The following ANO2 variants were observed in gnomAD, a reference collection of about 807,000 sequenced individuals.
ANO2 encodes the protein anoctamin-2.
Under a neutral mutation model 124.2 loss-of-function variants are expected in ANO2, and 101 were observed. The observed-to-expected ratio is 0.81, with a 90% CI of 0.69 to 0.96. The LOEUF is 0.96. ANO2 is among the 40% of genes least tolerant of loss of function. The pLI, the probability that ANO2 is intolerant of heterozygous loss-of-function variation, is 0.00. For missense variants in ANO2, 1,293 were observed against 1,274.5 expected, an observed-to-expected ratio of 1.01 and a Z score of -0.22; for synonymous variants, 486 against 482.5, an observed-to-expected ratio of 1.01 and a Z score of -0.09.
chr12:5,846,659 C>T (rs1954693102), intron 4 of ANO2, among the ~76,000 whole-genome samples: 1 of 152,224 alleles, frequency 6.6e-6, no homozygotes, highest in Non-Finnish European at 1.5e-5. Flanking sequence ...TATTTCTTGA[C>T]TCTTCCAGCT....
chr12:5,688,306 C>T (rs1389958906), intron 14 of ANO2, among the ~76,000 whole-genome samples: 4 of 152,268 alleles, frequency 2.6e-5, no homozygotes, highest in African/African-American at 4.8e-5. Flanking sequence ...AACTGGAGAA[C>T]GGGAGGCAAA....
At chr12:5,607,265 C>T (rs541876204) in intron 19 of ANO2, among the ~76,000 whole-genome samples, 1 of 152,228 alleles carries the variant, frequency 6.6e-6, no homozygotes, top group East Asian at 1.9e-4. Context: ...AAAGCATCAC[C>T]GTTAAACACA....
intron 14 of ANO2, among the ~76,000 whole-genome samples, chr12:5,656,412 G>A (rs1437645216): frequency 2.6e-5 from 4 of 152,200 alleles, no homozygotes; most frequent in East Asian, 1.9e-4. Context: ...CCCTTTGAGC[G>A]GGCAACACCT....
intron 7 of ANO2, among the ~76,000 whole-genome samples, chr12:5,819,626 T>C (rs994964968): frequency 6.6e-6 from 1 of 151,994 alleles, no homozygotes; most frequent in African/African-American, 2.4e-5. Context: ...GATGGTGGAG[T>C]GGATTAGTCA....
At chr12:5,842,728 C>G (rs1002913274) in intron 4 of ANO2, among the ~76,000 whole-genome samples, 3 of 152,292 alleles carry the variant, frequency 2.0e-5, no homozygotes, top group African/African-American at 7.2e-5. Context: ...GTCACTGTTT[C>G]TGGGCCCTGA....
chr12:5,847,307 T>C (rs1034821881), intron 4 of ANO2, among the ~76,000 whole-genome samples: 18 of 152,214 alleles, frequency 1.2e-4, no homozygotes, highest in Non-Finnish European at 2.4e-4. Context: ...AGCTTCTTCA[T>C]TGGCTTTCCT....
intron 3 of ANO2, among the ~76,000 whole-genome samples, chr12:5,872,506 A>G (rs1022077832): frequency 6.6e-6 from 1 of 152,216 alleles, no homozygotes; most frequent in Admixed American, 6.5e-5. Flanking sequence ...AACAGCAGAT[A>G]TCAGGCCCAC....
chr12:5,889,200 G>A (rs541681319), intron 3 of ANO2, among the ~76,000 whole-genome samples: 71 of 151,964 alleles, frequency 4.7e-4, no homozygotes, highest in Non-Finnish European at 7.2e-4. Context: ...CAAGCGCCAC[G>A]CGCAGCCCTG....
intron 10 of ANO2, among the ~76,000 whole-genome samples, chr12:5,776,039 GA>G (rs1441023156): frequency 6.6e-6 from 1 of 152,184 alleles, no homozygotes. Flanking sequence ...GAGAGTTAAT[GA>G]AAAAAGTCCA....
At chr12:5,689,648 C>T (rs1591913814) in intron 14 of ANO2, among the ~76,000 whole-genome samples, 1 of 152,080 alleles carries the variant, frequency 6.6e-6, no homozygotes, top group East Asian at 1.9e-4. Context: ...ATTTGGTGTG[C>T]TTTTCTTCCA....
At chr12:5,797,868 T>A (rs1053682146) in intron 10 of ANO2, among the ~76,000 whole-genome samples, 1 of 151,998 alleles carries the variant, frequency 6.6e-6, no homozygotes, top group African/African-American at 2.4e-5. Flanking sequence ...GAGCTCTCCA[T>A]CCTCAGGAAC....
At chr12:5,929,764 C>T (rs1346929009) in intron 1 of ANO2, among the ~76,000 whole-genome samples, 15 of 151,138 alleles carry the variant, frequency 9.9e-5, no homozygotes, top group African/African-American at 3.2e-4. Context: ...TCCTTCCTTA[C>T]GAGTCTACCT....
At chr12:5,936,756 A>G (rs11063934) in intron 1 of ANO2, among the ~76,000 whole-genome samples, 14,840 of 152,252 alleles carry the variant, frequency 0.097, 1,154 homozygotes, top group African/African-American at 0.21. Flanking sequence ...TAGTTTTATC[A>G]ATTTAACTAC....
At position 5,814,289 on chromosome 12, in the gene ANO2, A is replaced by G. The variant is rs543238350; in HGVS notation, c.893-6921T>C. Among the ~76,000 whole-genome samples the G allele has an allele frequency of 8.4e-4, 128 of 152,330 alleles. 1 individual carries two copies. The highest frequency in any genetic ancestry group is 2.9e-3 in the African/African-American group (121 of 41,578). On this transcript the variant is annotated intron_variant, in intron 7 of 24. Transcript: ENST00000682330. ...CCCTTTGTAAATGGTTTCTCTATACATATGCCCACCTTGAATTACCCTAAT... is the reference window on the plus strand; with the variant it reads ...CCCTTTGTAAATGGTTTCTCTATACGTATGCCCACCTTGAATTACCCTAAT...
intron 3 of ANO2, chr12:5,870,528 A>G (rs1326116158): frequency 6.6e-6 from 1 of 152,270 alleles, no homozygotes. Flanking sequence ...TCAGCACCTT[A>G]GCATGAAGAA....
At chr12:5,601,683 T>C (rs140062222) in intron 19 of ANO2, among the ~76,000 whole-genome samples, 284 of 152,350 alleles carry the variant, frequency 1.9e-3, no homozygotes, top group African/African-American at 6.6e-3. Flanking sequence ...GTTTTGATTA[T>C]ACATAGAAAA....
At chr12:5,648,216 T>C (rs1034268376) in intron 14 of ANO2, among the ~76,000 whole-genome samples, 3 of 152,160 alleles carry the variant, frequency 2.0e-5, no homozygotes, top group African/African-American at 4.8e-5. Flanking sequence ...CATGTGAATA[T>C]AGTAAAGCAG....
chr12:5,806,036 C>A lies in ANO2; in HGVS notation c.990+16G>T, dbSNP rs765895134. 1.9e-6 allele frequency: 3 copies of A among 1,613,318 alleles called. No individual in the cohort carries two copies. The highest frequency in any genetic ancestry group is 1.7e-4 in the Middle Eastern group (1 of 6,060). ...CGCATGCCCAAAGTCCAGGATGCTG[C>A]ACGAGGCAGGCTTACCTTCCTGTCA... On this transcript the variant is annotated intron_variant, in intron 9 of 24. Transcript: ENST00000682330.
chr12:5,602,587 A>G (rs1943995529), intron 19 of ANO2, among the ~76,000 whole-genome samples: 1 of 152,178 alleles, frequency 6.6e-6, no homozygotes, highest in Non-Finnish European at 1.5e-5. Flanking sequence ...AAGAGAAGAC[A>G]GAGACAATGG....
Sources: allele counts gnomAD v4.1 joint callset (sites outside exome capture counted in the v4.1 genomes callset), GRCh38; gene constraint gnomAD v4.1.1; transcripts MANE v1.5; gene names NCBI Gene and HGNC (gene_info 2026-07-23, HGNC 2026-07-21).